DLC1: variants seen among roughly 807,000 people sequenced by gnomAD.
DLC1 encodes the protein DLC1 Rho GTPase activating protein.
A neutral mutation model predicts 140.3 loss-of-function variants in DLC1; 54 were observed. The observed-to-expected ratio is 0.38, with a 90% CI of 0.31 to 0.48. The LOEUF (loss-of-function observed/expected upper bound fraction) is 0.48, where lower values mean the gene tolerates loss of function less well. Ranked by LOEUF, DLC1 falls within the 20% of genes least tolerant of loss-of-function variation. The probability of loss-of-function intolerance (pLI) is 0.96; values close to 1 mark genes in which losing one functional copy is unlikely to be tolerated. For missense variants in DLC1, 2,536 were observed against 1,907.0 expected (o/e 1.33, Z -6.14); for synonymous variants, 986 against 728.1 (o/e 1.35, Z -5.70).
intron 5 of DLC1, among the ~76,000 whole-genome samples, chr8:13,139,346 G>T (rs962226836): frequency 7.1e-6 from 1 of 140,646 alleles, no homozygotes; most frequent in African/African-American, 2.6e-5. Flanking sequence ...GAGAGTCTGA[G>T]ATTCTGTTGT....
chr8:13,253,869 G>T (rs1228555224), intron 5 of DLC1, among the ~76,000 whole-genome samples: 1 of 152,120 alleles, frequency 6.6e-6, no homozygotes, highest in Non-Finnish European at 1.5e-5. Flanking sequence ...CAAATGCTTA[G>T]GAGTAACAAA....
intron 5 of DLC1, among the ~76,000 whole-genome samples, chr8:13,219,027 TA>T (rs1228733095): frequency 1.1e-5 from 1 of 88,120 alleles, no homozygotes; most frequent in Non-Finnish European, 2.0e-5. Flanking sequence ...TATACGTATA[TA>T]ATTATGTGAA....
At chr8:13,343,402 A>C (rs1321219582) in intron 4 of DLC1, among the ~76,000 whole-genome samples, 2 of 152,216 alleles carry the variant, frequency 1.3e-5, no homozygotes, top group African/African-American at 4.8e-5. Context: ...AGTTATGATA[A>C]CTGAATGGAA....
intron 4 of DLC1, among the ~76,000 whole-genome samples, chr8:13,366,911 A>T (rs1335269840): frequency 6.6e-6 from 1 of 152,026 alleles, no homozygotes; most frequent in African/African-American, 2.4e-5. Flanking sequence ...GGGCTCTTGC[A>T]TTCCTCGATG....
chr8:13,451,061 A>AAAAAAAAAAAAAG (rs1563357501), intron 2 of DLC1, among the ~76,000 whole-genome samples: 9 of 138,402 alleles, frequency 6.5e-5, no homozygotes, highest in South Asian at 2.1e-4. Context: ...AAAAAAAAAA[A>AAAAAAAAAAAAAG]AAAAAAAGAA....
intron 16 of DLC1, among the ~76,000 whole-genome samples, chr8:13,087,152 G>A (rs546842935): frequency 6.6e-6 from 1 of 152,106 alleles, no homozygotes; most frequent in Non-Finnish European, 1.5e-5. Flanking sequence ...TGTAATCCCG[G>A]CGCTTTGGGA....
At chr8:13,474,487 A>G (rs1800353521) in intron 2 of DLC1, among the ~76,000 whole-genome samples, 1 of 152,142 alleles carries the variant, frequency 6.6e-6, no homozygotes. Flanking sequence ...TGCCTAGTGG[A>G]GCTGTGAGAA....
At chr8:13,156,420 A>G (rs1207089599) in intron 5 of DLC1, among the ~76,000 whole-genome samples, 1 of 152,186 alleles carries the variant, frequency 6.6e-6, no homozygotes, top group Non-Finnish European at 1.5e-5. Flanking sequence ...GATGCTTTTT[A>G]TATATTAGCT....
At chr8:13,604,581 A>G (rs1805986089) in exon 1 of DLC1, 1 of 152,214 alleles carries the variant, frequency 6.6e-6, no homozygotes, top group Admixed American at 6.5e-5. Flanking sequence ...AGAGCAGATG[A>G]ACTCACTGCC....
intron 1 of DLC1, among the ~76,000 whole-genome samples, chr8:13,554,910 G>A (rs182543632): frequency 4.3e-4 from 65 of 152,308 alleles, no homozygotes; most frequent in African/African-American, 1.6e-3. Context: ...GGCCCTACAT[G>A]ATTGGGTTTT....
chr8:13,513,202 T>C (rs113677245), intron 1 of DLC1, among the ~76,000 whole-genome samples: 11 of 152,256 alleles, frequency 7.2e-5, no homozygotes, highest in African/African-American at 2.6e-4. Context: ...CAGCTTCTTG[T>C]AGACAACCTC....
intron 2 of DLC1, among the ~76,000 whole-genome samples, chr8:13,451,361 G>T (rs995103094): frequency 6.6e-6 from 1 of 152,004 alleles, no homozygotes; most frequent in African/African-American, 2.4e-5. Flanking sequence ...TCTACCCTTT[G>T]TGTAATAGAC....
intron 3 of DLC1, among the ~76,000 whole-genome samples, chr8:13,398,652 G>A (rs1837159985): frequency 6.6e-6 from 1 of 150,570 alleles, no homozygotes; most frequent in Admixed American, 6.6e-5. Flanking sequence ...ATGCATGCCT[G>A]TAGTCCCAAC....
chr8:13,518,594 T>G (rs1240606479), upstream of DLC1, among the ~76,000 whole-genome samples: 2 of 152,246 alleles, frequency 1.3e-5, no homozygotes, highest in African/African-American at 2.4e-5. Flanking sequence ...TTGAAAATAG[T>G]GTTTTACTCT....
At chr8:13,594,357 G>C (rs1226037621) in intron 1 of DLC1, among the ~76,000 whole-genome samples, 1 of 152,000 alleles carries the variant, frequency 6.6e-6, no homozygotes, top group African/African-American at 2.4e-5. Flanking sequence ...GTTCAGAAGA[G>C]TTTTCTGTAA....
At chr8:13,580,887 T>C (rs913575117) in intron 1 of DLC1, among the ~76,000 whole-genome samples, 1 of 152,114 alleles carries the variant, frequency 6.6e-6, no homozygotes, top group Non-Finnish European at 1.5e-5. Flanking sequence ...TTGTTTTCTA[T>C]TGTGATGAGG....
chr8:13,544,169 CTT>C (rs1286927681), intron 1 of DLC1, among the ~76,000 whole-genome samples: 4 of 149,478 alleles, frequency 2.7e-5, no homozygotes, highest in South Asian at 2.1e-4. Context: ...TCTCTCCTCT[CTT>C]TGTCATTCTC....
intron 5 of DLC1, among the ~76,000 whole-genome samples, chr8:13,278,978 C>T (rs1831269448): frequency 6.6e-6 from 1 of 152,132 alleles, no homozygotes; most frequent in Admixed American, 6.5e-5. Flanking sequence ...TACTCGGAGC[C>T]GTCTGCCTCA....
intron 4 of DLC1, among the ~76,000 whole-genome samples, chr8:13,320,684 G>A (rs1306652280): frequency 2.0e-5 from 3 of 151,992 alleles, no homozygotes; most frequent in Non-Finnish European, 2.9e-5. Flanking sequence ...GGTGGGGTGA[G>A]GTCTGGTTCT....
Sources: allele counts gnomAD v4.1 joint callset (sites outside exome capture counted in the v4.1 genomes callset), GRCh38; gene constraint gnomAD v4.1.1; transcripts MANE v1.5; gene names NCBI Gene and HGNC (gene_info 2026-07-23, HGNC 2026-07-21).